SEMA3A: variants seen among roughly 807,000 people sequenced by gnomAD.
SEMA3A encodes semaphorin 3A.
In SEMA3A, 29 loss-of-function variants were observed where a neutral mutation model predicts 97.9. That is an observed-to-expected ratio of 0.30 (90% CI 0.22 to 0.40). SEMA3A has a LOEUF of 0.40. Among genes scored for constraint, SEMA3A ranks in the 10% least tolerant of loss-of-function variants. The pLI, the probability that SEMA3A is intolerant of heterozygous loss-of-function variation, is 1.00. For missense variants in SEMA3A, 763 were observed against 951.3 expected (o/e 0.80, Z 2.60); for synonymous variants, 321 against 323.7 (o/e 0.99, Z 0.09).
intron 11 of SEMA3A, among the ~76,000 whole-genome samples, 190 bp from the exon 12 acceptor site, chr7:84,002,236 G>A (rs1790486605): frequency 6.6e-6 from 1 of 152,024 alleles, no homozygotes; most frequent in Non-Finnish European, 1.5e-5. Flanking sequence ...AAAGTGTAAA[G>A]GTAAACTATA....
intron 12 of SEMA3A, among the ~76,000 whole-genome samples, chr7:83,991,506 T>C (rs1192579045): frequency 1.3e-5 from 2 of 151,112 alleles, no homozygotes; most frequent in East Asian, 2.0e-4. Flanking sequence ...CAATACCTAA[T>C]TTATTGAGAG....
At chr7:84,459,839 G>C (rs1805778312) in intron 1 of SEMA3A, among the ~76,000 whole-genome samples, 2 of 151,976 alleles carry the variant, frequency 1.3e-5, no homozygotes, top group South Asian at 4.1e-4. Flanking sequence ...AAGAGCCTGG[G>C]CAACATGGCA....
At chr7:84,060,926 C>A (rs1793191463) in intron 4 of SEMA3A, among the ~76,000 whole-genome samples, 3 of 152,180 alleles carry the variant, frequency 2.0e-5, no homozygotes, top group African/African-American at 7.2e-5. Context: ...TAAAATGACT[C>A]ATTTCCTTCC....
chr7:84,398,498 C>T (rs533790324), intron 1 of SEMA3A, among the ~76,000 whole-genome samples: 1 of 152,148 alleles, frequency 6.6e-6, no homozygotes, highest in African/African-American at 2.4e-5. Flanking sequence ...AACTTAAGGT[C>T]TAGTAATCCT....
intron 1 of SEMA3A, among the ~76,000 whole-genome samples, chr7:84,468,103 C>G (rs781646809): frequency 3.9e-5 from 6 of 152,160 alleles, no homozygotes; most frequent in Non-Finnish European, 7.3e-5. Context: ...GTCCAACGAA[C>G]TCATTGAAGA....
chr7:84,166,109 G>C (rs556934065), intron 1 of SEMA3A, among the ~76,000 whole-genome samples: 1 of 151,758 alleles, frequency 6.6e-6, no homozygotes, highest in Non-Finnish European at 1.5e-5. Context: ...ACTCTCTCTT[G>C]AAAAAGTAAA....
intron 6 of SEMA3A, among the ~76,000 whole-genome samples, chr7:84,042,172 C>A (rs1375586585): frequency 1.3e-5 from 2 of 152,076 alleles, no homozygotes; most frequent in Non-Finnish European, 2.9e-5. Context: ...TACATGACCA[C>A]AGAGGAAGCT....
rs1790862341 is a variant in SEMA3A at position 84,011,230 on chromosome 7, C to A, written c.878G>T (p.Cys293Phe). 6.2e-7 allele frequency: 1 copy of A among 1,613,864 alleles called. No individual in the cohort carries two copies. The highest frequency in any genetic ancestry group is 1.3e-5 in the African/African-American group (1 of 74,928). The change falls in exon 8 of 17, where the codon TGC becomes TTC. Residue 293 changes from cysteine (C) to phenylalanine (F), a missense_variant. Cys to Phe is a radical substitution (Grantham distance 205). This residue lies in a region of SEMA3A where 678 missense variants were observed against 881.3 expected (regional missense o/e 0.77). Coordinates refer to ENST00000265362, the MANE Select transcript of SEMA3A (RefSeq NM_006080.3). ...AATGCCATTTGGACCTGGCACTGAG[C>A]AAATCAGACGAGCTTTGAGGAATGT... The part of the protein sequence containing the change: ...WTTFLKARLI[C>F]SVPGPNGIDT...
chr7:84,419,776 G>A (rs1394145917), intron 1 of SEMA3A, among the ~76,000 whole-genome samples: 1 of 152,126 alleles, frequency 6.6e-6, no homozygotes, highest in Non-Finnish European at 1.5e-5. Flanking sequence ...AATTTCGCTA[G>A]GGTATTCAAC....
chr7:84,027,605 C>T (rs149709127), intron 6 of SEMA3A, among the ~76,000 whole-genome samples: 296 of 152,078 alleles, frequency 1.9e-3, no homozygotes, highest in African/African-American at 6.0e-3. Context: ...AATATATTAC[C>T]CTTTAGGATA....
At chr7:84,251,731 A>T (rs2115615804) in intron 3 of SEMA3A, among the ~76,000 whole-genome samples, 1 of 152,232 alleles carries the variant, frequency 6.6e-6, no homozygotes, top group Non-Finnish European at 1.5e-5. Context: ...TTATCCTGAG[A>T]GTGACTGGTA....
intron 1 of SEMA3A, among the ~76,000 whole-genome samples, chr7:84,155,360 T>C (rs1196038750): frequency 6.6e-6 from 1 of 152,150 alleles, no homozygotes; most frequent in Non-Finnish European, 1.5e-5. Flanking sequence ...TGTCGTCTAT[T>C]TTAGCTTTCA....
intron 3 of SEMA3A, among the ~76,000 whole-genome samples, chr7:84,298,685 C>T (rs1332373978): frequency 2.6e-5 from 4 of 152,154 alleles, no homozygotes; most frequent in Non-Finnish European, 5.9e-5. Flanking sequence ...CTAAAAAGCA[C>T]TGAAGAACTT....
intron 1 of SEMA3A, among the ~76,000 whole-genome samples, chr7:84,188,167 G>T (rs1004809487): frequency 6.6e-6 from 1 of 151,996 alleles, no homozygotes; most frequent in Non-Finnish European, 1.5e-5. Context: ...AAAATGTGTG[G>T]TTCCTTTAAA....
chr7:84,151,764 CA>C (rs1796679311), intron 1 of SEMA3A, among the ~76,000 whole-genome samples: 1 of 151,980 alleles, frequency 6.6e-6, no homozygotes, highest in Admixed American at 6.6e-5. Flanking sequence ...AGGCAACCTA[CA>C]AAATGGGAGA....
intron 1 of SEMA3A, among the ~76,000 whole-genome samples, chr7:84,398,279 A>C (rs1041110752): frequency 6.6e-6 from 1 of 152,200 alleles, no homozygotes; most frequent in African/African-American, 2.4e-5. Context: ...GCAATTTCTC[A>C]GAACCTATAT....
chr7:84,457,993 C>T (rs1380221800), intron 1 of SEMA3A, among the ~76,000 whole-genome samples: 1 of 151,930 alleles, frequency 6.6e-6, no homozygotes, highest in Non-Finnish European at 1.5e-5. Context: ...TCTAAGTATA[C>T]CTGACTTTTA....
chr7:84,151,789 C>G (rs1796680183), intron 1 of SEMA3A, among the ~76,000 whole-genome samples: 2 of 152,050 alleles, frequency 1.3e-5, no homozygotes, highest in South Asian at 2.1e-4. Flanking sequence ...TTTTCGCAAC[C>G]TACTCATCTG....
chr7:84,309,628 C>A (rs899219320), intron 2 of SEMA3A, among the ~76,000 whole-genome samples: 2 of 152,128 alleles, frequency 1.3e-5, no homozygotes, highest in African/African-American at 2.4e-5. Context: ...AGAACATATA[C>A]CACGTGTGGG....
Sources: gnomAD v4.1 joint callset for allele counts (sites outside exome capture counted in the v4.1 genomes callset) on GRCh38, gnomAD v4.1.1 for gene constraint, gnomAD v4.1.1 regional missense constraint, MANE v1.5 for transcripts, NCBI Gene and HGNC (gene_info 2026-07-23, HGNC 2026-07-21) for gene names.